The following TMCC1 variants were observed in gnomAD, a reference collection of about 807,000 sequenced individuals.
The protein encoded by TMCC1 is transmembrane and coiled-coil domains protein 1.
TMCC1 carries 15 observed loss-of-function variants against 52.4 expected under a neutral mutation model. The observed-to-expected ratio is 0.29, with a 90% CI of 0.19 to 0.44. TMCC1 has a LOEUF of 0.44. Ranked by LOEUF, TMCC1 falls within the 20% of genes least tolerant of loss-of-function variation. The pLI is 1.00. For synonymous variants in TMCC1, 279 were observed against 301.9 expected (o/e 0.92, Z 0.79); for missense variants, 503 against 806.0 (o/e 0.62, Z 4.55).
chr3:129,735,076 C>G (rs1576625808), intron 4 of TMCC1, among the ~76,000 whole-genome samples: 1 of 151,750 alleles, frequency 6.6e-6, no homozygotes, highest in East Asian at 1.9e-4. Flanking sequence ...TAATTTTTTA[C>G]ATTTTTAGCA....
chr3:129,697,852 G>A (rs777374483), intron 4 of TMCC1, among the ~76,000 whole-genome samples: 40 of 152,056 alleles, frequency 2.6e-4, no homozygotes, highest in Non-Finnish European at 4.0e-4. Context: ...ATCGCAGCCC[G>A]GACTTTATTG....
At chr3:129,867,674 A>C (rs143688561) in intron 2 of TMCC1, among the ~76,000 whole-genome samples, 151 of 152,374 alleles carry the variant, frequency 9.9e-4, no homozygotes, top group African/African-American at 3.5e-3. Flanking sequence ...CTGAAGCCAC[A>C]GAAGGTGGCT....
chr3:129,718,216 A>G (rs1203126585), intron 4 of TMCC1, among the ~76,000 whole-genome samples: 2 of 152,242 alleles, frequency 1.3e-5, no homozygotes, highest in Non-Finnish European at 2.9e-5. Flanking sequence ...ACATGGTGCC[A>G]TTTGCAGTCA....
chr3:129,831,374 T>G (rs1374345403), intron 3 of TMCC1, among the ~76,000 whole-genome samples: 1 of 152,122 alleles, frequency 6.6e-6, no homozygotes, highest in African/African-American at 2.4e-5. Flanking sequence ...AACAAAACAG[T>G]AATAAATTAT....
At chr3:129,674,151 A>C (rs1175869544) in intron 4 of TMCC1, among the ~76,000 whole-genome samples, 2 of 152,202 alleles carry the variant, frequency 1.3e-5, no homozygotes, top group African/African-American at 4.8e-5. Context: ...AAACTCCCTA[A>C]ATGCATTCCT....
intron 4 of TMCC1, among the ~76,000 whole-genome samples, chr3:129,803,440 T>G (rs1486522188): frequency 2.6e-5 from 4 of 152,216 alleles, no homozygotes; most frequent in Admixed American, 6.5e-5. Flanking sequence ...TTCACAATAA[T>G]ATGAATACAC....
At chr3:129,827,730 C>A in intron 4 of TMCC1, 73 bp downstream of exon 4, 2 of 1,505,446 alleles carry the variant, frequency 1.3e-6, no homozygotes, top group South Asian at 1.3e-5. Context: ...TTTTAGTTAC[C>A]AAAGGAAAGT....
At chr3:129,797,258 G>A (rs983953523) in intron 4 of TMCC1, among the ~76,000 whole-genome samples, 31 of 151,982 alleles carry the variant, frequency 2.0e-4, no homozygotes, top group Admixed American at 4.6e-4. Flanking sequence ...TCCGGGAAGC[G>A]GAGCTTGCAG....
chr3:129,855,905 T>C (rs755096109), intron 2 of TMCC1, among the ~76,000 whole-genome samples: 23 of 152,226 alleles, frequency 1.5e-4, no homozygotes, highest in Non-Finnish European at 2.6e-4. Context: ...ATTAGAGATT[T>C]AGGAAAAGAC....
At chr3:129,667,491 A>G (rs2087562874) in intron 5 of TMCC1, among the ~76,000 whole-genome samples, 1 of 152,132 alleles carries the variant, frequency 6.6e-6, no homozygotes, top group African/African-American at 2.4e-5. Context: ...CTAAAACTGA[A>G]ATGGGAAAAC....
chr3:129,813,547 C>T (rs1324914519), intron 4 of TMCC1, among the ~76,000 whole-genome samples: 1 of 152,082 alleles, frequency 6.6e-6, no homozygotes, highest in Non-Finnish European at 1.5e-5. Flanking sequence ...AACACAGGAA[C>T]AGAAAACCAT....
intron 4 of TMCC1, among the ~76,000 whole-genome samples, chr3:129,732,502 A>T (rs1485509442): frequency 6.6e-6 from 1 of 152,200 alleles, no homozygotes; most frequent in Non-Finnish European, 1.5e-5. Flanking sequence ...AAGCTCAAAA[A>T]TTCATAATAA....
At chr3:129,812,050 A>G (rs1471946175) in intron 4 of TMCC1, among the ~76,000 whole-genome samples, 3 of 148,970 alleles carry the variant, frequency 2.0e-5, no homozygotes, top group Non-Finnish European at 4.5e-5. Flanking sequence ...TTGTGTTAAC[A>G]ATGAGAAATG....
chr3:129,842,191 C>A (rs954698897), intron 2 of TMCC1, among the ~76,000 whole-genome samples: 1 of 152,148 alleles, frequency 6.6e-6, no homozygotes, highest in African/African-American at 2.4e-5. Context: ...ATTGGCCAGG[C>A]ATAGTGGCTC....
chr3:129,772,435 A>G (rs187976557), intron 4 of TMCC1, among the ~76,000 whole-genome samples: 157 of 152,154 alleles, frequency 1.0e-3, no homozygotes, highest in African/African-American at 3.4e-3. Flanking sequence ...ACTGATTCAT[A>G]CCAGGCATGG....
chr3:129,797,648 A>AGTGGGAGGATCACTCGAGT (rs1443101265), intron 4 of TMCC1, among the ~76,000 whole-genome samples: 1 of 151,310 alleles, frequency 6.6e-6, no homozygotes, highest in Non-Finnish European at 1.5e-5. Context: ...AGGAGGCTGG[A>AGTGGGAGGATCACTCGAGT]GTGGGAGGAT....
Position 129,666,799 on chromosome 3 carries a change from A to T in TMCC1, c.1511+3531T>A, listed in dbSNP as rs533097029. Reference sequence around the variant, plus strand: ...ATATTTCAAAGCCAGGCATGGTGGCATGCACCTGCAGTCCCAGCTACTCAG... The same window carrying T: ...ATATTTCAAAGCCAGGCATGGTGGCTTGCACCTGCAGTCCCAGCTACTCAG... On this transcript the variant is annotated intron_variant, in intron 5 of 6. Transcript: ENST00000393238. Among the ~76,000 whole-genome samples, 566 of 150,946 alleles carry T rather than the reference A, an allele frequency of 3.7e-3. 7 individuals carry two copies. The East Asian group carries it at 0.039, about 10-fold the overall frequency.
At chr3:129,833,975 C>A (rs2059039186) in intron 2 of TMCC1, among the ~76,000 whole-genome samples, 1 of 152,118 alleles carries the variant, frequency 6.6e-6, no homozygotes, top group African/African-American at 2.4e-5. Context: ...AAGCATATGA[C>A]CCTGCCCTCG....
At chr3:129,812,474 A>G (rs2057874736) in intron 4 of TMCC1, among the ~76,000 whole-genome samples, 1 of 152,092 alleles carries the variant, frequency 6.6e-6, no homozygotes, top group African/African-American at 2.4e-5. Flanking sequence ...ACAATACTCA[A>G]ATCAAATCTC....
Sources: gnomAD v4.1 joint callset for allele counts (sites outside exome capture counted in the v4.1 genomes callset) on GRCh38, gnomAD v4.1.1 for gene constraint, MANE v1.5 for transcripts, NCBI Gene and HGNC (gene_info 2026-07-23, HGNC 2026-07-21) for gene names.